The following PAGE2B variants were observed in gnomAD, a reference collection of about 807,000 sequenced individuals.
The protein encoded by PAGE2B is PAGE family member 2B.
PAGE2B carries 5 observed loss-of-function variants against 7.6 expected under a neutral mutation model. That is an observed-to-expected ratio of 0.66 (90% CI 0.34 to 1.38). The LOEUF is 1.38. PAGE2B is among the 40% of genes most tolerant of loss of function. PAGE2B has a pLI of 0.04. For synonymous variants in PAGE2B, 29 were observed against 26.7 expected (o/e 1.09, Z -0.27); for missense variants, 70 against 78.4 (o/e 0.89, Z 0.41).
chrX:55,045,789 C>G, the PAGE2B span, among the ~76,000 whole-genome samples: 1 of 112,101 alleles, frequency 8.9e-6, no homozygotes, highest in African/African-American at 3.2e-5. Context: ...CCACAGCTAG[C>G]TAACCAGTAC....
the PAGE2B span, among the ~76,000 whole-genome samples, chrX:55,066,683 T>A: frequency 8.9e-6 from 1 of 111,825 alleles, no homozygotes; most frequent in Non-Finnish European, 1.9e-5. Context: ...GTGTTATTTG[T>A]TTCTTTTCTC....
the PAGE2B span, among the ~76,000 whole-genome samples, chrX:55,040,009 A>G: frequency 9.0e-6 from 1 of 111,271 alleles, no homozygotes; most frequent in Non-Finnish European, 1.9e-5. Flanking sequence ...ACAAAACACC[A>G]CTACTGTCAA....
At chrX:55,045,447 G>T in the PAGE2B span, among the ~76,000 whole-genome samples, 1 of 111,385 alleles carries the variant, frequency 9.0e-6, no homozygotes, top group South Asian at 3.7e-4. Flanking sequence ...GACCCTGCTT[G>T]TAACATCTCT....
chrX:55,058,707 C>T, the PAGE2B span, among the ~76,000 whole-genome samples: 22 of 111,422 alleles, frequency 2.0e-4, no homozygotes, highest in African/African-American at 7.1e-4. Context: ...GATGTAGATA[C>T]TATTACTATC....
At chrX:55,063,438 T>C in the PAGE2B span, among the ~76,000 whole-genome samples, 61 of 111,704 alleles carry the variant, frequency 5.5e-4, no homozygotes, top group East Asian at 0.016. Flanking sequence ...TTCCTGAATT[T>C]GTTTATCAGT....
chrX:55,056,067 G>A, the PAGE2B span, among the ~76,000 whole-genome samples: 3 of 111,651 alleles, frequency 2.7e-5, no homozygotes, highest in African/African-American at 9.8e-5. Flanking sequence ...GAGAGAGCAG[G>A]TGTGGATGAG....
At chrX:55,044,839 TA>T in the PAGE2B span, 2 of 112,247 alleles carry the variant, frequency 1.8e-5, no homozygotes, top group African/African-American at 6.5e-5. Flanking sequence ...TGCTGATGCA[TA>T]ATCAGGCCTG....
rs1222430844 is a variant in PAGE2B, at chrX:55,075,502, G to T, written c.-9+388G>T. On this transcript the variant is annotated intron_variant, in intron 1 of 4. Transcript: ENST00000374971. ...AAGGGGCCTGGGAACTGGGAACGCT[G>T]TGGGCCGGTGACTGTGGCCCCGAGG... 3.6e-5 allele frequency among the ~76,000 whole-genome samples: 4 copies of T among 111,212 alleles called. No individual in the cohort carries two copies. The East Asian group carries it at 8.6e-4, about 24-fold the overall frequency.
chrX:55,047,453 A>G, the PAGE2B span, among the ~76,000 whole-genome samples: 165 of 111,668 alleles, frequency 1.5e-3, no homozygotes, highest in African/African-American at 5.0e-3. Context: ...TTGCTGGGTC[A>G]TATGGTATTT....
At chrX:55,033,683 A>G in the PAGE2B span, among the ~76,000 whole-genome samples, 1 of 111,960 alleles carries the variant, frequency 8.9e-6, no homozygotes, top group Non-Finnish European at 1.9e-5. Flanking sequence ...CTGCAACCCC[A>G]GTGTCAACCT....
chrX:55,055,274 T>G, the PAGE2B span: 2 of 108,223 alleles, frequency 1.8e-5, no homozygotes, highest in African/African-American at 6.8e-5. Flanking sequence ...GAGAATCTTT[T>G]GAACAGGGGA....
upstream of PAGE2B, among the ~76,000 whole-genome samples, chrX:55,070,188 C>T (rs1008519012): frequency 7.2e-5 from 8 of 111,241 alleles, no homozygotes; most frequent in Admixed American, 3.9e-4. Flanking sequence ...CTATAAATTT[C>T]CCTCTACACA....
chrX:55,037,671 G>A, the PAGE2B span, among the ~76,000 whole-genome samples: 1 of 110,759 alleles, frequency 9.0e-6, no homozygotes, highest in Non-Finnish European at 1.9e-5. Context: ...AACAATGATA[G>A]ACTGGATGAA....
chrX:55,061,400 T>C, the PAGE2B span, among the ~76,000 whole-genome samples: 4 of 110,989 alleles, frequency 3.6e-5, no homozygotes, highest in African/African-American at 1.3e-4. Flanking sequence ...CCTCCTGCTC[T>C]CTACTCTCAA....
At chrX:55,070,608 G>T (rs1936439916), upstream of PAGE2B, among the ~76,000 whole-genome samples, 1 of 111,281 alleles carries the variant, frequency 9.0e-6, no homozygotes. Flanking sequence ...CTGTCTCCTT[G>T]ATCTGTCCAA....
In PAGE2B at chrX:55,076,023, T is replaced by G. The variant is rs766289445; in HGVS notation, c.-8-11T>G. 8.4e-7 allele frequency: 1 copy of G among 1,194,687 alleles called. No homozygotes were observed. The highest frequency in any genetic ancestry group is 1.8e-5 in the African/African-American group (1 of 56,843). On this transcript the variant is annotated splice_polypyrimidine_tract_variant and intron_variant, in intron 1 of 4. Transcript: ENST00000374971. ...ATACACTTTTTCCAAATAACAGTAT[T>G]CTATTTTCAGTGGGAAATATGAGTG...
At chrX:55,044,655 A>T in the PAGE2B span, 1 of 111,862 alleles carries the variant, frequency 8.9e-6, no homozygotes, top group Admixed American at 9.5e-5. Flanking sequence ...GGAGGTAAAC[A>T]GACCAGTGAA....
the PAGE2B span, among the ~76,000 whole-genome samples, chrX:55,042,367 C>T: frequency 3.2e-4 from 36 of 110,979 alleles, 1 homozygote; most frequent in East Asian, 8.5e-3. Flanking sequence ...TAAAATACCT[C>T]TACAAGGAAA....
At chrX:55,037,339 A>T in the PAGE2B span, among the ~76,000 whole-genome samples, 1 of 112,025 alleles carries the variant, frequency 8.9e-6, no homozygotes, top group African/African-American at 3.3e-5. Flanking sequence ...ATGCAAATCA[A>T]AACCACAATG....
Sources: gnomAD v4.1 joint callset for allele counts (sites outside exome capture counted in the v4.1 genomes callset) on GRCh38, gnomAD v4.1.1 for gene constraint, MANE v1.5 for transcripts, NCBI Gene and HGNC (gene_info 2026-07-23, HGNC 2026-07-21) for gene names.